IPP: variants seen among roughly 807,000 people sequenced by gnomAD.
IPP encodes actin-binding protein IPP.
A neutral mutation model predicts 64.1 loss-of-function variants in IPP; 41 were observed. The ratio of observed to expected loss-of-function variants is 0.64; its 90% CI spans 0.50 to 0.83. The LOEUF is 0.83. Ranked by LOEUF, IPP falls within the 40% of genes least tolerant of loss-of-function variation. The pLI is 0.00. For missense variants in IPP, 649 were observed against 703.0 expected, an observed-to-expected ratio of 0.92 and a Z score of 0.87; for synonymous variants, 214 against 235.2, an observed-to-expected ratio of 0.91 and a Z score of 0.83.
chr1:45,735,466 CTTTTTTTTTTTT>C (rs756979985), intron 3 of IPP, among the ~76,000 whole-genome samples: 4 of 57,948 alleles, frequency 6.9e-5, no homozygotes, highest in African/African-American at 2.1e-4. Context: ...TTTAATTTTG[CTTTTTTTTTTTT>C]TTTTTTTTTT....
intron 1 of IPP, among the ~76,000 whole-genome samples, chr1:45,748,570 G>T (rs867513501): frequency 1.3e-5 from 2 of 152,172 alleles, no homozygotes; most frequent in African/African-American, 4.8e-5. Flanking sequence ...CTCAGGGGAG[G>T]CTGAGGTGGG....
downstream of IPP, among the ~76,000 whole-genome samples, chr1:45,696,357 C>A (rs1645388294): frequency 6.6e-6 from 1 of 152,166 alleles, no homozygotes; most frequent in South Asian, 2.1e-4. Flanking sequence ...TGTGCAAGTC[C>A]TTAAAGTTAA....
intron 5 of IPP, among the ~76,000 whole-genome samples, chr1:45,721,972 G>A (rs1276735908): frequency 1.3e-5 from 2 of 152,200 alleles, no homozygotes; most frequent in Admixed American, 1.3e-4. Flanking sequence ...GGGAGGCTGA[G>A]GCAGGAGAAT....
intron 4 of IPP, among the ~76,000 whole-genome samples, chr1:45,728,292 C>T (rs1282959509): frequency 2.0e-5 from 3 of 150,832 alleles, no homozygotes; most frequent in Non-Finnish European, 2.9e-5. Context: ...GACTACACAT[C>T]CAATCGGCAA....
intron 5 of IPP, among the ~76,000 whole-genome samples, chr1:45,724,263 C>A (rs1241983119): frequency 1.3e-5 from 2 of 152,238 alleles, no homozygotes; most frequent in East Asian, 3.9e-4. Context: ...GGATTGCAGA[C>A]GGAGTCTCGT....
chr1:45,735,212 T>C (rs928516051), intron 3 of IPP, among the ~76,000 whole-genome samples: 3 of 151,704 alleles, frequency 2.0e-5, no homozygotes, highest in African/African-American at 7.3e-5. Context: ...GCCTCCAGAG[T>C]AGCAGGGACT....
rs771126864 is a variant in IPP, at chr1:45,727,751, G to T, written c.928C>A (p.Leu310Ile). 2.5e-6 allele frequency: 4 copies of T among 1,586,322 alleles called. No individual in the cohort carries two copies. In the South Asian group the frequency reaches 4.6e-5, roughly 18 times the overall value. ...QGGRWSDSRALSCVERFDTFS... is the reference protein window; with the variant it reads ...QGGRWSDSRAISCVERFDTFS... ...GTGTCAAAACGTTCTACACAGCTGA[G>T]GGCTCTGCTATCACTCCAGCGACCC... Residue 310 changes from leucine to isoleucine, a missense_variant, in exon 5 of 9, where the codon CTC (leucine) becomes ATC (isoleucine). Physicochemically the swap from Leu to Ile is conservative, Grantham distance 5. Coordinates refer to ENST00000396478, the MANE Select transcript of IPP (RefSeq NM_005897.3).
intron 7 of IPP, among the ~76,000 whole-genome samples, chr1:45,715,194 CAAAAAA>C (rs199978194): frequency 9.7e-6 from 1 of 102,868 alleles, no homozygotes; most frequent in Admixed American, 1.0e-4. Context: ...GACCTTCTCT[CAAAAAA>C]AAAAAAAAAA....
chr1:45,729,789 G>C lies in IPP; in HGVS notation c.725-20C>G. ...ATACTCCTAAAACAATATTTAAAAAGACAATGTTTTAAACAATTTTTAAAT... is the reference window on the plus strand; with the variant it reads ...ATACTCCTAAAACAATATTTAAAAACACAATGTTTTAAACAATTTTTAAAT... On this transcript the variant is annotated intron_variant, in intron 3 of 8. Transcript: ENST00000396478. The C allele has an allele frequency of 7.0e-7, 1 of 1,422,408 alleles. No individual in the cohort carries two copies. The highest frequency in any genetic ancestry group is 9.6e-7 in the Non-Finnish European group (1 of 1,045,812). The allele number at this position is 1,422,408 out of a possible 1,614,324, so 88.1% of individuals were successfully genotyped here.
At chr1:45,695,681 T>G (rs1338390771), downstream of IPP, among the ~76,000 whole-genome samples, 1 of 152,124 alleles carries the variant, frequency 6.6e-6, no homozygotes, top group Non-Finnish European at 1.5e-5. Context: ...GAATTTTTTT[T>G]TTTTTTAGAT....
rs1646135072 is a variant in IPP, at chr1:45,746,454, T to G, written c.-43A>C. ...TAAAAGGACTGTTGCCCATAATCTG[T>G]TACTACCCTGAAAAACAAAATACAA... On this transcript the variant is annotated 5_prime_UTR_variant, in exon 2 of 9. Coordinates refer to ENST00000396478, the MANE Select transcript of IPP (RefSeq NM_005897.3). 2 of 1,491,906 alleles carry G rather than the reference T, an allele frequency of 1.3e-6. No homozygotes were observed. The highest frequency in any genetic ancestry group is 2.8e-5 in the African/African-American group (2 of 71,350). 92.4% of individuals were successfully genotyped at this position (1,491,906 alleles called of 1,614,324 possible). A position where few individuals can be genotyped will look rare whatever the true frequency, so the allele number is the denominator to read the frequency against.
chr1:45,725,279 C>T (rs1645804318), intron 5 of IPP, among the ~76,000 whole-genome samples: 1 of 136,146 alleles, frequency 7.3e-6, no homozygotes, highest in African/African-American at 2.8e-5. Flanking sequence ...GCCCGGCCGC[C>T]CCTACTGGGA....
intron 4 of IPP, among the ~76,000 whole-genome samples, chr1:45,729,327 T>G (rs1645874858): frequency 6.6e-6 from 1 of 152,168 alleles, no homozygotes; most frequent in Non-Finnish European, 1.5e-5. Context: ...TTTTTTACTT[T>G]TAAAGCAGCA....
At chr1:45,725,503 G>A (rs1645810201) in intron 5 of IPP, among the ~76,000 whole-genome samples, 2 of 136,246 alleles carry the variant, frequency 1.5e-5, no homozygotes, top group South Asian at 2.6e-4. Flanking sequence ...CGCCCCATCC[G>A]GGAGGTGAGG....
chr1:45,698,961 A>C lies in IPP; in HGVS notation c.*1005T>G. 2 of 764,110 alleles carry C rather than the reference A, an allele frequency of 2.6e-6. No individual in the cohort carries two copies. Among genetic ancestry groups the C allele is most frequent in the Non-Finnish European group, 1.6e-6 (1 of 627,916 alleles). 47.3% of individuals were successfully genotyped at this position (764,110 alleles called of 1,614,324 possible). A position where few individuals can be genotyped will look rare whatever the true frequency, so the allele number is the denominator to read the frequency against. ...AGTCTCGAACTCCTGAGTTCAAGCC[A>C]TCTTCCCGTCTCACCTCGGCCTCTC... On this transcript the variant is annotated 3_prime_UTR_variant, in exon 9 of 9. Transcript: ENST00000396478.
intron 3 of IPP, among the ~76,000 whole-genome samples, chr1:45,733,424 C>CA (rs1193294129): frequency 6.9e-6 from 1 of 144,386 alleles, no homozygotes. Flanking sequence ...GACTTCATCT[C>CA]AAAAAAACAT....
chr1:45,719,110 CATAA>C lies in IPP; in HGVS notation c.1186+89_1186+92del, dbSNP rs746830370. The C allele has an allele frequency of 5.8e-6, 7 of 1,211,694 alleles. No individual in the cohort carries two copies. In the East Asian group the frequency reaches 1.8e-4, roughly 31 times the overall value. 75.1% of individuals were successfully genotyped at this position (1,211,694 alleles called of 1,614,324 possible). ...TTATGTGCCTGTATCTCATGTGCCC[CATAA>C]ATATATATACCTATTATGTATCCAC... On this transcript the variant is annotated intron_variant, in intron 6 of 8. Coordinates refer to ENST00000396478, the MANE Select transcript of IPP (RefSeq NM_005897.3).
chr1:45,743,029 C>A (rs1348029469), intron 2 of IPP, among the ~76,000 whole-genome samples: 1 of 151,976 alleles, frequency 6.6e-6, no homozygotes, highest in Non-Finnish European at 1.5e-5. Context: ...CCAACACCTC[C>A]TGGGTTCAAG....
intron 6 of IPP, 81 bp downstream of exon 6, chr1:45,719,122 T>C: frequency 7.5e-7 from 1 of 1,324,990 alleles, no homozygotes; most frequent in Non-Finnish European, 1.1e-6. Context: ...TAAATATATA[T>C]ACCTATTATG....
Sources: allele counts gnomAD v4.1 joint callset (sites outside exome capture counted in the v4.1 genomes callset), GRCh38; gene constraint gnomAD v4.1.1; transcripts MANE v1.5; gene names NCBI Gene and HGNC (gene_info 2026-07-23, HGNC 2026-07-21).